The following SLC1A1 variants were observed in gnomAD, a reference collection of about 807,000 sequenced individuals.
SLC1A1 encodes the protein solute carrier family 1 member 1.
In SLC1A1, 43 loss-of-function variants were observed where a neutral mutation model predicts 53.3. That is an observed-to-expected ratio of 0.81 (90% CI 0.63 to 1.04). SLC1A1 has a LOEUF of 1.04. Ranked by LOEUF, SLC1A1 falls within the 50% of genes least tolerant of loss-of-function variation. The pLI, the probability that SLC1A1 is intolerant of heterozygous loss-of-function variation, is 0.00. For synonymous variants in SLC1A1, 307 were observed against 243.2 expected (o/e 1.26, Z -2.44); for missense variants, 748 against 664.9 (o/e 1.12, Z -1.37).
chr9:4,532,854 C>G (rs139449186), intron 1 of SLC1A1, among the ~76,000 whole-genome samples: 5,121 of 152,262 alleles, frequency 0.034, 146 homozygotes, highest in South Asian at 0.056. Flanking sequence ...ATCAGACTAA[C>G]AGCTGATCTC....
intron 5 of SLC1A1, among the ~76,000 whole-genome samples, chr9:4,566,612 C>G (rs1278603930): frequency 6.6e-6 from 1 of 152,054 alleles, no homozygotes; most frequent in Non-Finnish European, 1.5e-5. Context: ...CTTTGGGAGG[C>G]CAAGGTGGGC....
In SLC1A1 at chr9:4,544,656, C is replaced by G; in HGVS notation, c.181C>G (p.Arg61Gly). The G allele has an allele frequency of 6.2e-7, 1 of 1,613,190 alleles. No individual in the cohort carries two copies. The change falls in exon 2 of 12, where the codon CGG becomes GGG. Residue 61 changes from arginine to glycine, a missense_variant. By Grantham distance (125) the Arg-to-Gly change is moderately radical. Transcript: ENST00000262352. ...TGCTTTTCCTGGAGAAATTCTAATG[C>G]GGATGCTGAAACTCATCATTTTGCC... ...YFAFPGEILM[R>G]MLKLIILPLI... is the part of the protein sequence containing the mutation.
intron 10 of SLC1A1, among the ~76,000 whole-genome samples, chr9:4,580,150 G>A (rs1820919351): frequency 6.6e-6 from 1 of 152,092 alleles, no homozygotes; most frequent in East Asian, 1.9e-4. Context: ...CAGACTGCTT[G>A]AGCCCAGGAG....
chr9:4,558,224 AC>A (rs1349937570), intron 2 of SLC1A1, among the ~76,000 whole-genome samples: 6 of 152,166 alleles, frequency 3.9e-5, no homozygotes, highest in African/African-American at 1.4e-4. Flanking sequence ...TATGGTGGTC[AC>A]CACCCTTATC....
At position 4,567,756 on chromosome 9, in the gene SLC1A1, G is replaced by T; in HGVS notation, c.571G>T (p.Ala191Ser). The T allele has an allele frequency of 6.2e-7, 1 of 1,601,888 alleles. No homozygotes were observed. The highest frequency in any genetic ancestry group is 8.6e-7 in the Non-Finnish European group (1 of 1,169,122). ...GTCCTTCACAGCTGTCATGACAACT[G>T]CAATTTCCAAGGTACCATTCTTATT... is the stretch of plus-strand genomic sequence containing the variant. Reference protein sequence around the residue: ...EESFTAVMTTAISKNKTKEYK... With the variant: ...EESFTAVMTTSISKNKTKEYK... Residue 191 changes from alanine (A) to serine (S), a missense_variant, in exon 6 of 12, where the codon GCA becomes TCA. Ala to Ser is a moderately conservative substitution (Grantham distance 99, BLOSUM62 1). Coordinates refer to ENST00000262352, the MANE Select transcript of SLC1A1 (RefSeq NM_004170.6).
chr9:4,566,449 G>GA (rs1265828628), intron 5 of SLC1A1, among the ~76,000 whole-genome samples: 1 of 152,156 alleles, frequency 6.6e-6, no homozygotes, highest in African/African-American at 2.4e-5. Context: ...ACTTTCTGCA[G>GA]AAAAAAGGTA....
intron 10 of SLC1A1, among the ~76,000 whole-genome samples, chr9:4,580,051 T>C (rs1159185211): frequency 6.6e-6 from 1 of 151,964 alleles, no homozygotes; most frequent in African/African-American, 2.4e-5. Context: ...CAAAACCCCA[T>C]GTTTACCAAA....
At chr9:4,536,527 A>C (rs1816680013) in intron 1 of SLC1A1, among the ~76,000 whole-genome samples, 1 of 152,214 alleles carries the variant, frequency 6.6e-6, no homozygotes, top group African/African-American at 2.4e-5. Flanking sequence ...GGCAATCATT[A>C]AAAAGTCAGG....
chr9:4,543,450 G>A (rs901581831), intron 1 of SLC1A1, among the ~76,000 whole-genome samples: 1 of 152,278 alleles, frequency 6.6e-6, no homozygotes, highest in African/African-American at 2.4e-5. Context: ...ACTTGGAAGA[G>A]AATAGAAATA....
At chr9:4,534,723 C>G (rs1041260134) in intron 1 of SLC1A1, among the ~76,000 whole-genome samples, 2 of 151,206 alleles carry the variant, frequency 1.3e-5, no homozygotes, top group African/African-American at 4.9e-5. Flanking sequence ...CAGCATCATC[C>G]TGCTACCAAA....
rs761763667 is a variant in SLC1A1, at chr9:4,490,655, C to A, written c.-25C>A. 2.5e-6 allele frequency: 4 copies of A among 1,605,890 alleles called. No individual in the cohort carries two copies. The highest frequency in any genetic ancestry group is 3.4e-6 in the Non-Finnish European group (4 of 1,173,524). On this transcript the variant is annotated 5_prime_UTR_variant, in exon 1 of 12. Coordinates refer to ENST00000262352, the MANE Select transcript of SLC1A1 (RefSeq NM_004170.6). ...CCAGCCCACGCGCGCACGGCCGAGC[C>A]CAGCGCACAATAGCGGCGACAGCCA... is the stretch of plus-strand genomic sequence containing the variant.
intron 10 of SLC1A1, among the ~76,000 whole-genome samples, chr9:4,581,517 C>G (rs1247062463): frequency 6.6e-6 from 1 of 152,238 alleles, no homozygotes; most frequent in East Asian, 1.9e-4. Flanking sequence ...CAAGCCCAGC[C>G]TCAGGCTATA....
chr9:4,550,718 A>C (rs1446597989), intron 2 of SLC1A1, among the ~76,000 whole-genome samples: 10 of 152,208 alleles, frequency 6.6e-5, no homozygotes, highest in Admixed American at 6.5e-4. Flanking sequence ...AAAAAGTTTA[A>C]AGCCTTATAA....
chr9:4,498,940 T>C (rs1413337362), intron 1 of SLC1A1, among the ~76,000 whole-genome samples: 2 of 146,738 alleles, frequency 1.4e-5, no homozygotes, highest in East Asian at 3.9e-4. Flanking sequence ...ATGTATTATA[T>C]ACATAATATA....
At chr9:4,521,548 C>A (rs1816071360) in intron 1 of SLC1A1, among the ~76,000 whole-genome samples, 1 of 152,140 alleles carries the variant, frequency 6.6e-6, no homozygotes, top group African/African-American at 2.4e-5. Flanking sequence ...CCGAATTGCT[C>A]TTAAAGAAAA....
At chr9:4,553,552 A>C (rs1818120543) in intron 2 of SLC1A1, 1 of 152,134 alleles carries the variant, frequency 6.6e-6, no homozygotes, top group South Asian at 2.1e-4. Context: ...TTTTTAGTAG[A>C]GATGAGGTTA....
intron 3 of SLC1A1, among the ~76,000 whole-genome samples, chr9:4,563,150 A>G (rs1819137037): frequency 6.6e-6 from 1 of 151,640 alleles, no homozygotes; most frequent in Non-Finnish European, 1.5e-5. Context: ...GAGAGAGAAA[A>G]AAAAAAAAGA....
chr9:4,522,244 G>C (rs1816104473), intron 1 of SLC1A1, among the ~76,000 whole-genome samples: 1 of 151,612 alleles, frequency 6.6e-6, no homozygotes, highest in Non-Finnish European at 1.5e-5. Flanking sequence ...GTAGAGATGG[G>C]GTTTCACTGA....
At chr9:4,543,727 G>A (rs760417871) in intron 1 of SLC1A1, among the ~76,000 whole-genome samples, 10 of 151,992 alleles carry the variant, frequency 6.6e-5, no homozygotes, top group Admixed American at 1.3e-4. Context: ...AAACATTAGA[G>A]AACAGTCATT....
Sources: allele counts gnomAD v4.1 joint callset (sites outside exome capture counted in the v4.1 genomes callset), GRCh38; gene constraint gnomAD v4.1.1; transcripts MANE v1.5; gene names NCBI Gene and HGNC (gene_info 2026-07-23, HGNC 2026-07-21).